The following ADAMTSL1 variants were observed in gnomAD, a reference collection of about 807,000 sequenced individuals.
ADAMTSL1 encodes ADAMTS like 1, also known as ADAMTS-like protein 1.
Under a neutral mutation model 201.8 loss-of-function variants are expected in ADAMTSL1, and 126 were observed. That is an observed-to-expected ratio of 0.62 (90% CI 0.54 to 0.72). The LOEUF is 0.72. Ranked by LOEUF, ADAMTSL1 falls within the 30% of genes least tolerant of loss-of-function variation. ADAMTSL1 has a pLI of 0.00. For missense variants in ADAMTSL1, 2,679 were observed against 2,277.8 expected (o/e 1.18, Z -3.59); for synonymous variants, 1,121 against 903.4 (o/e 1.24, Z -4.32).
At chr9:18,378,726 A>T (rs1168361222) in intron 2 of ADAMTSL1, among the ~76,000 whole-genome samples, 4 of 151,998 alleles carry the variant, frequency 2.6e-5, no homozygotes, top group Non-Finnish European at 5.9e-5. Context: ...CATTAAGTTC[A>T]TCTCTTTTTT....
In ADAMTSL1 at chr9:18,820,089, C is replaced by G. The variant is rs1409023254; in HGVS notation, c.3934+2852C>G. On this transcript the variant is annotated intron_variant, in intron 21 of 28. Coordinates refer to ENST00000380548, the MANE Select transcript of ADAMTSL1 (RefSeq NM_001040272.6). ...AATAACACTGCCAGTAGGTAATACT[C>G]TAGCTTGAGAATTTGCAACCCAGAT... Among the ~76,000 whole-genome samples the G allele has an allele frequency of 5.3e-5, 8 of 152,208 alleles. No homozygotes were observed. The South Asian group carries it at 1.0e-3, about 20-fold the overall frequency.
At chr9:18,760,490 A>G (rs1820014321) in intron 16 of ADAMTSL1, among the ~76,000 whole-genome samples, 3 of 152,228 alleles carry the variant, frequency 2.0e-5, no homozygotes, top group African/African-American at 7.2e-5. Context: ...GCAGTGTTAC[A>G]TAGACTTATT....
chr9:18,075,790 T>G (rs1329085616), intron 1 of ADAMTSL1, among the ~76,000 whole-genome samples: 1 of 152,214 alleles, frequency 6.6e-6, no homozygotes, highest in East Asian at 1.9e-4. Context: ...TTTGGGGCAT[T>G]TCCAAGCTGA....
intron 2 of ADAMTSL1, among the ~76,000 whole-genome samples, chr9:18,300,410 A>G (rs969496896): frequency 6.8e-6 from 1 of 146,064 alleles, no homozygotes; most frequent in African/African-American, 2.5e-5. Context: ...GAATTGAACA[A>G]TGAGATCACT....
At chr9:18,687,833 G>A (rs764798009) in intron 13 of ADAMTSL1, among the ~76,000 whole-genome samples, 13 of 152,172 alleles carry the variant, frequency 8.5e-5, no homozygotes, top group Admixed American at 2.6e-4. Context: ...ACACGTTATA[G>A]ACCAGAAGAA....
chr9:18,291,474 C>G (rs956291023), intron 2 of ADAMTSL1, among the ~76,000 whole-genome samples: 2 of 152,122 alleles, frequency 1.3e-5, no homozygotes, highest in Admixed American at 6.5e-5. Flanking sequence ...AAATGTGGCT[C>G]TTGTGCACTG....
intron 7 of ADAMTSL1, 145 bp downstream of exon 7, chr9:18,639,556 G>A (rs749363575): frequency 8.0e-6 from 7 of 877,522 alleles, no homozygotes; most frequent in Non-Finnish European, 1.2e-5. Context: ...TGAGGGTGTT[G>A]AGCTAGCTGC....
intron 23 of ADAMTSL1, among the ~76,000 whole-genome samples, chr9:18,878,796 G>A (rs1828335169): frequency 6.6e-6 from 1 of 152,206 alleles, no homozygotes; most frequent in Non-Finnish European, 1.5e-5. Flanking sequence ...CTGCAAGTTA[G>A]TTTTGTCTCC....
At chr9:18,568,790 T>G (rs1339158810) in intron 3 of ADAMTSL1, among the ~76,000 whole-genome samples, 2 of 151,822 alleles carry the variant, frequency 1.3e-5, no homozygotes, top group African/African-American at 4.8e-5. Context: ...CCAAGGTTCT[T>G]GATACTATCA....
chr9:18,739,712 C>A (rs181503578), intron 15 of ADAMTSL1, among the ~76,000 whole-genome samples: 1 of 152,208 alleles, frequency 6.6e-6, no homozygotes, highest in Non-Finnish European at 1.5e-5. Context: ...TCACTCCCCA[C>A]GTCAACACCC....
intron 9 of ADAMTSL1, among the ~76,000 whole-genome samples, chr9:18,667,556 A>G (rs959897834): frequency 6.6e-6 from 1 of 152,148 alleles, no homozygotes; most frequent in African/African-American, 2.4e-5. Flanking sequence ...CGAAGTGAGG[A>G]TAATAACAAT....
chr9:17,944,140 C>A (rs376460226), intron 1 of ADAMTSL1, among the ~76,000 whole-genome samples: 1 of 151,592 alleles, frequency 6.6e-6, no homozygotes, highest in Non-Finnish European at 1.5e-5. Flanking sequence ...ATATCAGTAT[C>A]CTTTAGAAAA....
At chr9:18,502,858 T>C (rs182446025) in intron 1 of ADAMTSL1, among the ~76,000 whole-genome samples, 5 of 152,228 alleles carry the variant, frequency 3.3e-5, no homozygotes, top group African/African-American at 1.2e-4. Flanking sequence ...GCCTGGTGCC[T>C]TATCAGTGTA....
intron 15 of ADAMTSL1, among the ~76,000 whole-genome samples, chr9:18,726,437 G>T (rs2133453987): frequency 6.6e-6 from 1 of 152,008 alleles, no homozygotes; most frequent in Non-Finnish European, 1.5e-5. Context: ...CTGAACCCAG[G>T]GATGTCAAGG....
At chr9:18,746,886 C>T (rs1282273922) in intron 15 of ADAMTSL1, among the ~76,000 whole-genome samples, 1 of 152,070 alleles carries the variant, frequency 6.6e-6, no homozygotes, top group Non-Finnish European at 1.5e-5. Context: ...CTGATGGCTG[C>T]CTTTACAAAA....
intron 20 of ADAMTSL1, among the ~76,000 whole-genome samples, chr9:18,805,763 T>G (rs1479854400): frequency 6.6e-6 from 1 of 152,208 alleles, no homozygotes; most frequent in Non-Finnish European, 1.5e-5. Flanking sequence ...GGAATCCGTA[T>G]CTGCACAGTA....
intron 5 of ADAMTSL1, among the ~76,000 whole-genome samples, chr9:18,623,615 A>T (rs760304078): frequency 6.6e-6 from 1 of 152,218 alleles, no homozygotes; most frequent in South Asian, 2.1e-4. Flanking sequence ...CATGGTACCT[A>T]CGCCAAAAAT....
At chr9:18,665,860 C>T (rs1587840634) in intron 9 of ADAMTSL1, among the ~76,000 whole-genome samples, 1 of 152,010 alleles carries the variant, frequency 6.6e-6, no homozygotes, top group Admixed American at 6.6e-5. Context: ...TAAATGCTAA[C>T]TTAGAAATAT....
At chr9:17,940,715 A>C in intron 1 of ADAMTSL1, among the ~76,000 whole-genome samples, 1 of 13,258 alleles carries the variant, frequency 7.5e-5, no homozygotes, top group East Asian at 0.05. Context: ...TAACGTGCAA[A>C]AAAAAAAAAA....
Sources: gnomAD v4.1 joint callset for allele counts (sites outside exome capture counted in the v4.1 genomes callset) on GRCh38, gnomAD v4.1.1 for gene constraint, MANE v1.5 for transcripts, NCBI Gene and HGNC (gene_info 2026-07-23, HGNC 2026-07-21) for gene names.